Variants in B3GALT2 observed in about 807,000 individuals in gnomAD.
B3GALT2 encodes the protein UDP-Gal:betaGlcNAc beta 1,3-galactosyltransferase, polypeptide 2.
Under a neutral mutation model 33.5 loss-of-function variants are expected in B3GALT2, and 13 were observed. That is an observed-to-expected ratio of 0.39 (90% CI 0.25 to 0.62). The LOEUF is 0.62. Ranked by LOEUF, B3GALT2 falls within the 20% of genes least tolerant of loss-of-function variation. B3GALT2 has a pLI of 0.53. For synonymous variants in B3GALT2, 195 were observed against 172.7 expected, an observed-to-expected ratio of 1.13 and a Z score of -1.01; for missense variants, 418 against 509.1, an observed-to-expected ratio of 0.82 and a Z score of 1.72.
chr1:193,180,643 C>A lies in B3GALT2; in HGVS notation c.920G>T (p.Arg307Leu). 1 of 1,614,108 alleles carries A rather than the reference C, an allele frequency of 6.2e-7. No individual in the cohort carries two copies. Among genetic ancestry groups the A allele is most frequent in the Non-Finnish European group, 8.5e-7 (1 of 1,179,970 alleles). ...YMPPDLYPSERYPVFCSGTGY... is the reference protein window; with the variant it reads ...YMPPDLYPSELYPVFCSGTGY... ...AGTTCCAGAACAGAAGACAGGATAA[C>A]GCTCACTTGGGTAGAGGTCTGGTGG... The change falls in exon 2 of 2, where the codon CGT becomes CTT. Residue 307 changes from arginine (R) to leucine (L), a missense_variant. Physicochemically the swap from Arg to Leu is moderately radical, Grantham distance 102. Transcript: ENST00000367434.
At chr1:193,181,982 C>T (rs756145288) in intron 1 of B3GALT2, among the ~76,000 whole-genome samples, 9 of 152,020 alleles carry the variant, frequency 5.9e-5, no homozygotes, top group Admixed American at 1.3e-4. Flanking sequence ...TGAATGTATT[C>T]GAGAAAAATG....
At position 193,180,305 on chromosome 1, in the gene B3GALT2, T is replaced by C. The variant is rs1241128287; in HGVS notation, c.1258A>G (p.Lys420Glu). Reference sequence around the variant, plus strand: ...AAAAATTGTCTTTTCTAATGTAGTTTACGGTGGCGATACCTGCCTGCCTTT... The same window carrying C: ...AAAAATTGTCTTTTCTAATGTAGTTCACGGTGGCGATACCTGCCTGCCTTT... Reference protein sequence around the residue: ...KEKAGRYRHRKLH With the variant: ...KEKAGRYRHRELH The change falls in exon 2 of 2, where the codon AAA (lysine) becomes GAA (glutamate). Residue 420 changes from lysine to glutamate, a missense_variant. By Grantham distance (56) the Lys-to-Glu change is moderately conservative. Around this residue, in one of 3 missense-constraint regions of B3GALT2, gnomAD observed 226 missense variants for 293.9 expected, o/e 0.77. Transcript: ENST00000367434. 1 of 1,573,438 alleles carries C rather than the reference T, an allele frequency of 6.4e-7. No homozygotes were observed.
Position 193,180,413 on chromosome 1 carries a change from G to A in B3GALT2, c.1150C>T (p.Gln384Ter). Residue 384 changes from glutamine (Q) to a stop codon, truncating the protein, a stop_gained, in exon 2 of 2, where the codon CAG becomes TAG. Transcript: ENST00000367434. LOFTEE classifies it high-confidence loss of function. ...TTTATCAGTTCACTAGGCTGGAACT[G>A]ATGAGAGGTAATTAGGTGGCTGTAT... Reference protein sequence around the residue: ...CKYSHLITSHQFQPSELIKYW... With the variant: ...CKYSHLITSH 2 of 1,614,044 alleles carry A rather than the reference G, an allele frequency of 1.2e-6. No homozygotes were observed. Among genetic ancestry groups the A allele is most frequent in the Non-Finnish European group, 1.7e-6 (2 of 1,179,918 alleles).
Position 193,181,213 on chromosome 1 carries a change from C to T in B3GALT2, c.350G>A (p.Ser117Asn), listed in dbSNP as rs757910380. 1 of 1,613,942 alleles carries T rather than the reference C, an allele frequency of 6.2e-7. No homozygotes were observed. Among genetic ancestry groups the T allele is most frequent in the Non-Finnish European group, 8.5e-7 (1 of 1,179,928 alleles). ...QGVTGLENTLSANGSIYNEKG... is the reference protein window; with the variant it reads ...QGVTGLENTLNANGSIYNEKG... Reference sequence around the variant, plus strand: ...TTCATTGTAAATACTTCCATTGGCACTAAGTGTATTCTCCAGGCCTGTAAC... The same window carrying T: ...TTCATTGTAAATACTTCCATTGGCATTAAGTGTATTCTCCAGGCCTGTAAC... Residue 117 changes from serine (S) to asparagine (N), a missense_variant, in exon 2 of 2, where the codon AGT (serine) becomes AAT (asparagine). By Grantham distance (46) the Ser-to-Asn change is conservative. Transcript: ENST00000367434.
chr1:193,184,760 T>C (rs1027711821), intron 1 of B3GALT2, among the ~76,000 whole-genome samples: 3 of 151,964 alleles, frequency 2.0e-5, no homozygotes, highest in Admixed American at 1.3e-4. Flanking sequence ...TACTATTTAT[T>C]ATTAGTCTTT....
At position 193,186,430 on chromosome 1, in the gene B3GALT2, A is replaced by G. The variant is rs560631288; in HGVS notation, c.-532T>C. ...TACTAATAACACTGAGCTGCAATGTAAAGCAGCCAGAGCTAAAATGTAGTG... is the reference window on the plus strand; with the variant it reads ...TACTAATAACACTGAGCTGCAATGTGAAGCAGCCAGAGCTAAAATGTAGTG... On this transcript the variant is annotated 5_prime_UTR_variant, in exon 1 of 2. Transcript: ENST00000367434. 1 of 152,692 alleles carries G rather than the reference A, an allele frequency of 6.5e-6. No individual in the cohort carries two copies. The highest frequency in any genetic ancestry group is 2.1e-4 in the South Asian group (1 of 4,822). The allele number at this position is 152,692 out of a possible 1,614,324, so 9.5% of individuals were successfully genotyped here. A position where few individuals can be genotyped will look rare whatever the true frequency, so the allele number is the denominator to read the frequency against.
At chr1:193,183,026 A>T (rs1676744788) in intron 1 of B3GALT2, among the ~76,000 whole-genome samples, 1 of 151,956 alleles carries the variant, frequency 6.6e-6, no homozygotes, top group South Asian at 2.1e-4. Context: ...TGATAATGAG[A>T]GAGTCATGGT....
At position 193,185,087 on chromosome 1, in the gene B3GALT2, A is replaced by C. The variant is rs539157760; in HGVS notation, c.-121+932T>G. 5.3e-5 allele frequency among the ~76,000 whole-genome samples: 8 copies of C among 152,130 alleles called. No individual in the cohort carries two copies. The South Asian group carries it at 1.7e-3, about 32-fold the overall frequency. ...TGGCGGTAGTTCATTACTGCATATTAATATAGCCTGGAAGCATAGTAGCTA... is the reference window on the plus strand; with the variant it reads ...TGGCGGTAGTTCATTACTGCATATTCATATAGCCTGGAAGCATAGTAGCTA... On this transcript the variant is annotated intron_variant, in intron 1 of 1. Coordinates refer to ENST00000367434, the MANE Select transcript of B3GALT2 (RefSeq NM_003783.3).
rs1409425827 is a variant in B3GALT2, at chr1:193,180,219, G to A, written c.*75C>T. The A allele has an allele frequency of 2.1e-5, 27 of 1,269,298 alleles. No homozygotes were observed. Among genetic ancestry groups the A allele is most frequent in the East Asian group, 5.1e-5 (2 of 39,236 alleles). 78.6% of individuals were successfully genotyped at this position (1,269,298 alleles called of 1,614,324 possible). A position where few individuals can be genotyped will look rare whatever the true frequency, so the allele number is the denominator to read the frequency against. On this transcript the variant is annotated 3_prime_UTR_variant, in exon 2 of 2. Coordinates refer to ENST00000367434, the MANE Select transcript of B3GALT2 (RefSeq NM_003783.3). Reference sequence around the variant, plus strand: ...GAGTTTTAACTAAAACTTGTCCTACGGATGTAATCAGTTCTAACTATACAT... The same window carrying A: ...GAGTTTTAACTAAAACTTGTCCTACAGATGTAATCAGTTCTAACTATACAT...
At position 193,186,585 on chromosome 1, in the gene B3GALT2, G is replaced by A. The variant is rs915993572; in HGVS notation, c.-687C>T. The A allele has an allele frequency of 6.6e-5, 10 of 152,242 alleles. No individual in the cohort carries two copies. Among genetic ancestry groups the A allele is most frequent in the African/African-American group, 2.2e-4 (9 of 41,426 alleles). 9.4% of individuals were successfully genotyped at this position (152,242 alleles called of 1,614,324 possible). ...ATATGAAATCCACGGTTCCTCAGCT[G>A]CTGCACAGGCAGGCAGCAGTTTAAA... On this transcript the variant is annotated 5_prime_UTR_variant, in exon 1 of 2. Coordinates refer to ENST00000367434, the MANE Select transcript of B3GALT2 (RefSeq NM_003783.3).
chr1:193,180,604 G>GA lies in B3GALT2; in HGVS notation c.958dup (p.Ser320PhefsTer10). 3 of 1,614,060 alleles carry GA rather than the reference G, an allele frequency of 1.9e-6. No homozygotes were observed. Among genetic ancestry groups the GA allele is most frequent in the Non-Finnish European group, 2.5e-6 (3 of 1,179,952 alleles). On this transcript the variant is annotated frameshift_variant, in exon 2 of 2. Transcript: ENST00000367434. LOFTEE classifies it high-confidence loss of function. ...AAAAATCTTTTCTGCCAGATCTCCA[G>GA]AAAAAACATAACCAGTTCCAGAACA...
Position 193,181,415 on chromosome 1 carries a change from G to A in B3GALT2, c.148C>T (p.Pro50Ser). The change falls in exon 2 of 2, where the codon CCA becomes TCA. Residue 50 changes from proline (P) to serine (S), a missense_variant. By Grantham distance (74) the Pro-to-Ser change is moderately conservative (BLOSUM62 -1). Around this residue, in one of 3 missense-constraint regions of B3GALT2, gnomAD observed 188 missense variants for 197.5 expected, o/e 0.95. Coordinates refer to ENST00000367434, the MANE Select transcript of B3GALT2 (RefSeq NM_003783.3). ...FLFFNHHDWL[P>S]GRAGFKENPV... Reference sequence around the variant, plus strand: ...TTTTCTTTGAATCCAGCTCTGCCTGGCAGCCAGTCATGATGATTGAAAAAC... The same window carrying A: ...TTTTCTTTGAATCCAGCTCTGCCTGACAGCCAGTCATGATGATTGAAAAAC... 3 of 1,614,040 alleles carry A rather than the reference G, an allele frequency of 1.9e-6. No individual in the cohort carries two copies. The highest frequency in any genetic ancestry group is 2.5e-6 in the Non-Finnish European group (3 of 1,179,930).
At chr1:193,183,469 G>C (rs6428154) in intron 1 of B3GALT2, among the ~76,000 whole-genome samples, 107,097 of 148,038 alleles carry the variant, frequency 0.72, 39,005 homozygotes, top group South Asian at 0.82. Flanking sequence ...CTCAGCATTA[G>C]TGTAATGAAA....
In B3GALT2 at chr1:193,180,505, A is replaced by G. The variant is rs755516425; in HGVS notation, c.1058T>C (p.Ile353Thr). 3.8e-5 allele frequency: 61 copies of G among 1,613,952 alleles called. No individual in the cohort carries two copies. The highest frequency in any genetic ancestry group is 5.3e-5 in the African/African-American group (4 of 74,922). Residue 353 changes from isoleucine to threonine, a missense_variant, in exon 2 of 2, where the codon ATT becomes ACT. Physicochemically the swap from Ile to Thr is moderately conservative, Grantham distance 89. Transcript: ENST00000367434. ...YVGICLAKLR[I>T]DPVPPPNEFV... ...CTCATTGGGAGGGGGTACAGGATCA[A>G]TTCTCAACTTGGCAAGACAGATCCC...
At position 193,181,388 on chromosome 1, in the gene B3GALT2, G is replaced by A; in HGVS notation, c.175C>T (p.Pro59Ser). The part of the protein sequence containing the change: ...LPGRAGFKEN[P>S]VTYTFRGFRS... The stretch of plus-strand genomic sequence containing the variant: ...AATCCTCGGAAAGTGTATGTCACAG[G>A]GTTTTCTTTGAATCCAGCTCTGCCT... Residue 59 changes from proline (P) to serine (S), a missense_variant, in exon 2 of 2, where the codon CCT becomes TCT. Pro to Ser is a moderately conservative substitution (Grantham distance 74). This residue lies in a region of B3GALT2 where 188 missense variants were observed against 197.5 expected (regional missense o/e 0.95). Transcript: ENST00000367434. 1 of 1,613,992 alleles carries A rather than the reference G, an allele frequency of 6.2e-7. No homozygotes were observed. The highest frequency in any genetic ancestry group is 8.5e-7 in the Non-Finnish European group (1 of 1,179,926).
Position 193,180,850 on chromosome 1 carries a change from A to G in B3GALT2, c.713T>C (p.Val238Ala). The change falls in exon 2 of 2, where the codon GTT becomes GCT. Residue 238 changes from valine to alanine, a missense_variant. Physicochemically the swap from Val to Ala is moderately conservative, Grantham distance 64. This residue lies in a region of B3GALT2 where 226 missense variants were observed against 293.9 expected (regional missense o/e 0.77). Transcript: ENST00000367434. ...TGGAATATGTGGACAGTATGTTGCA[A>G]CCCAGTTCATGCCCATTAGTGTTTT... ...TIKTLMGMNW[V>A]ATYCPHIPYV... The G allele has an allele frequency of 6.2e-7, 1 of 1,613,946 alleles. No individual in the cohort carries two copies. Among genetic ancestry groups the G allele is most frequent in the South Asian group, 1.1e-5 (1 of 91,072 alleles).
Position 193,180,818 on chromosome 1 carries a change from T to G in B3GALT2, c.745A>C (p.Met249Leu). The change falls in exon 2 of 2, where the codon ATG becomes CTG. Residue 249 changes from methionine (M) to leucine (L), a missense_variant. Physicochemically the swap from Met to Leu is conservative, Grantham distance 15. Around this residue, in one of 3 missense-constraint regions of B3GALT2, gnomAD observed 226 missense variants for 293.9 expected, o/e 0.77. Transcript: ENST00000367434. ...ATYCPHIPYV[M>L]KTDSDMFVNT... The stretch of plus-strand genomic sequence containing the variant: ...ACAAACATGTCACTGTCAGTTTTCA[T>G]AACATATGGAATATGTGGACAGTAT... 6.2e-7 allele frequency: 1 copy of G among 1,614,112 alleles called. No individual in the cohort carries two copies. The highest frequency in any genetic ancestry group is 2.2e-5 in the East Asian group (1 of 44,886).
rs1676713654 is a variant in B3GALT2, at chr1:193,181,379, A to G, written c.184T>C (p.Tyr62His). 1 of 1,614,052 alleles carries G rather than the reference A, an allele frequency of 6.2e-7. No homozygotes were observed. The highest frequency in any genetic ancestry group is 8.5e-7 in the Non-Finnish European group (1 of 1,179,948). ...GTTGACCGAAATCCTCGGAAAGTGTATGTCACAGGGTTTTCTTTGAATCCA... is the reference window on the plus strand; with the variant it reads ...GTTGACCGAAATCCTCGGAAAGTGTGTGTCACAGGGTTTTCTTTGAATCCA... ...RAGFKENPVTYTFRGFRSTKS... is the reference protein window; with the variant it reads ...RAGFKENPVTHTFRGFRSTKS... Residue 62 changes from tyrosine to histidine, a missense_variant, in exon 2 of 2, where the codon TAC becomes CAC. Tyr to His is a moderately conservative substitution (Grantham distance 83). This residue lies in a region of B3GALT2 where 188 missense variants were observed against 197.5 expected (regional missense o/e 0.95). Coordinates refer to ENST00000367434, the MANE Select transcript of B3GALT2 (RefSeq NM_003783.3).
Position 193,180,395 on chromosome 1 carries a change from G to C in B3GALT2, c.1168C>G (p.Leu390Val). 1 of 1,613,872 alleles carries C rather than the reference G, an allele frequency of 6.2e-7. No homozygotes were observed. Among genetic ancestry groups the C allele is most frequent in the Non-Finnish European group, 8.5e-7 (1 of 1,179,826 alleles). Residue 390 changes from leucine to valine, a missense_variant, in exon 2 of 2, where the codon CTG (leucine) becomes GTG (valine). Transcript: ENST00000367434. ...TGTAAATGGTTCCAGTATTTTATCA[G>C]TTCACTAGGCTGGAACTGATGAGAG... is the stretch of plus-strand genomic sequence containing the variant. ...ITSHQFQPSE[L>V]IKYWNHLQQN...
Sources: allele counts gnomAD v4.1 joint callset (sites outside exome capture counted in the v4.1 genomes callset), GRCh38; gene constraint gnomAD v4.1.1; regional missense constraint gnomAD v4.1.1; transcripts MANE v1.5; gene names NCBI Gene and HGNC (gene_info 2026-07-23, HGNC 2026-07-21).